Variants in MEF2A observed in about 807,000 individuals in gnomAD.
The protein encoded by MEF2A is myocyte-specific enhancer factor 2A.
Under a neutral mutation model 55.8 loss-of-function variants are expected in MEF2A, and 28 were observed. The observed-to-expected ratio is 0.50, with a 90% CI of 0.37 to 0.69. MEF2A has a LOEUF of 0.69. MEF2A is among the 30% of genes least tolerant of loss of function. The pLI, the probability that MEF2A is intolerant of heterozygous loss-of-function variation, is 0.00. For synonymous variants in MEF2A, 239 were observed against 227.1 expected, an observed-to-expected ratio of 1.05 and a Z score of -0.47; for missense variants, 528 against 626.2, an observed-to-expected ratio of 0.84 and a Z score of 1.67.
chr15:99,631,543 A>G (rs576166299), intron 2 of MEF2A, among the ~76,000 whole-genome samples: 4 of 152,324 alleles, frequency 2.6e-5, no homozygotes, highest in East Asian at 1.9e-4. Flanking sequence ...ATTCAGATAA[A>G]TGAACTTTCT....
intron 1 of MEF2A, among the ~76,000 whole-genome samples, chr15:99,571,753 C>G (rs1962403753): frequency 6.6e-6 from 1 of 152,076 alleles, no homozygotes; most frequent in African/African-American, 2.4e-5. Context: ...CCCCTAAACC[C>G]TGGTGTCTCT....
intron 4 of MEF2A, among the ~76,000 whole-genome samples, chr15:99,665,258 G>A (rs1433844363): frequency 2.6e-5 from 4 of 152,140 alleles, no homozygotes; most frequent in Non-Finnish European, 5.9e-5. Flanking sequence ...AATTGGTATG[G>A]AAATTTTAAA....
intron 2 of MEF2A, among the ~76,000 whole-genome samples, chr15:99,609,817 A>T (rs1466314639): frequency 6.6e-6 from 1 of 152,158 alleles, no homozygotes; most frequent in African/African-American, 2.4e-5. Context: ...TGACAAAGAG[A>T]GTATACAGTA....
chr15:99,608,717 T>C (rs948208335), intron 2 of MEF2A, among the ~76,000 whole-genome samples: 2 of 152,098 alleles, frequency 1.3e-5, no homozygotes, highest in African/African-American at 4.8e-5. Context: ...CTGGCCAACA[T>C]GGTGAAACCC....
intron 1 of MEF2A, among the ~76,000 whole-genome samples, chr15:99,596,467 T>G (rs903818363): frequency 6.6e-6 from 1 of 152,158 alleles, no homozygotes; most frequent in African/African-American, 2.4e-5. Flanking sequence ...AATTTGTTAG[T>G]ATAAAAAGAA....
rs200299422 is a variant in MEF2A, at chr15:99,635,093, CTG to C, written c.54+1924_54+1925del. Among the ~76,000 whole-genome samples, 1,159 of 152,246 alleles carry C rather than the reference CTG, an allele frequency of 7.6e-3. 21 individuals are homozygous for C. The highest frequency in any genetic ancestry group is 0.026 in the African/African-American group (1,084 of 41,532). ...CAGATATATACTATATCCCAAGAGA[CTG>C]TGTTAGGTCCTGGAAACTCACTAAA... On this transcript the variant is annotated intron_variant, in intron 3 of 11. Transcript: ENST00000557942.
Position 99,710,734 on chromosome 15 carries a change from A to G in MEF2A, c.1110A>G (p.Leu370=), listed in dbSNP as rs553301761. ...GQVSAWQQHH[L]GQAALSSLVA... ...TGTCGGCCTGGCAGCAGCACCACCT[A>G]GGACAAGCAGCCCTCAGCTCTCTTG... Residue 370 remains leucine (L), a synonymous_variant, in exon 11 of 12, where the codon CTA becomes CTG. Coordinates refer to ENST00000557942, the MANE Select transcript of MEF2A (RefSeq NM_001319206.4). The G allele has an allele frequency of 3.1e-6, 5 of 1,611,190 alleles. No homozygotes were observed. The East Asian group carries it at 8.9e-5, about 29-fold the overall frequency.
chr15:99,683,335 C>T (rs1009277864), intron 7 of MEF2A, among the ~76,000 whole-genome samples: 6 of 152,224 alleles, frequency 3.9e-5, no homozygotes, highest in Non-Finnish European at 7.4e-5. Flanking sequence ...ACTTGGTAAA[C>T]GTTTTGGAGG....
intron 2 of MEF2A, among the ~76,000 whole-genome samples, chr15:99,623,900 C>A (rs138206909): frequency 6.6e-6 from 1 of 151,762 alleles, no homozygotes; most frequent in East Asian, 1.9e-4. Context: ...CTCCGCTTCC[C>A]GGGTTCAAGT....
chr15:99,621,184 A>G (rs1247494945), intron 2 of MEF2A: 2 of 152,134 alleles, frequency 1.3e-5, no homozygotes, highest in Admixed American at 6.5e-5. Context: ...TTAATAACAA[A>G]ACTAGAACTA....
At chr15:99,594,905 T>C (rs1243894237) in intron 1 of MEF2A, among the ~76,000 whole-genome samples, 1 of 152,226 alleles carries the variant, frequency 6.6e-6, no homozygotes. Context: ...CTCTATCATA[T>C]ATAGGTATTG....
At chr15:99,671,116 C>T (rs544610068) in intron 4 of MEF2A, among the ~76,000 whole-genome samples, 2 of 152,210 alleles carry the variant, frequency 1.3e-5, no homozygotes, top group Non-Finnish European at 2.9e-5. Context: ...TTCCTTTTCT[C>T]TTAACATACA....
At chr15:99,579,275 A>G (rs1965234477) in intron 1 of MEF2A, among the ~76,000 whole-genome samples, 1 of 147,210 alleles carries the variant, frequency 6.8e-6, no homozygotes, top group East Asian at 2.0e-4. Flanking sequence ...TGTTTAGAGT[A>G]TTGGCTTATA....
At chr15:99,661,896 G>C (rs1347784540) in intron 4 of MEF2A, among the ~76,000 whole-genome samples, 1 of 151,832 alleles carries the variant, frequency 6.6e-6, no homozygotes, top group African/African-American at 2.4e-5. Context: ...TCTGTCTGTT[G>C]TAGAATGGAT....
At position 99,678,569 on chromosome 15, in the gene MEF2A, C is replaced by T. The variant is rs10048028; in HGVS notation, c.670+3111C>T. 9.8e-5 allele frequency: 69 copies of T among 701,200 alleles called. No homozygotes were observed. In the African/African-American group the frequency reaches 1.2e-3, roughly 12 times the overall value. 43.4% of individuals were successfully genotyped at this position (701,200 alleles called of 1,614,324 possible). On this transcript the variant is annotated intron_variant, in intron 7 of 11. Coordinates refer to ENST00000557942, the MANE Select transcript of MEF2A (RefSeq NM_001319206.4). ...TTCAAATACGTAATTTGTTTATAGG[C>T]GAGTCTTCCATTTGCCTTGTTCGTA...
chr15:99,706,964 G>A, intron 10 of MEF2A, 109 bp downstream of exon 10: 2 of 1,297,678 alleles, frequency 1.5e-6, no homozygotes, highest in Non-Finnish European at 2.1e-6. Context: ...ACTATTTCCA[G>A]TTTTTTAGAT....
intron 2 of MEF2A, among the ~76,000 whole-genome samples, chr15:99,613,442 T>TACAATACA (rs1450886742): frequency 4.6e-5 from 7 of 152,204 alleles, no homozygotes; most frequent in Non-Finnish European, 1.0e-4. Context: ...ATACACACTT[T>TACAATACA]AACAGTCCCC....
chr15:99,694,868 A>G, intron 8 of MEF2A, among the ~76,000 whole-genome samples: 1 of 152,238 alleles, frequency 6.6e-6, no homozygotes, highest in Non-Finnish European at 1.5e-5. Flanking sequence ...ATTTATTTTA[A>G]TACTTTGGTT....
chr15:99,688,748 C>G (rs569916787), intron 7 of MEF2A, among the ~76,000 whole-genome samples: 1 of 152,226 alleles, frequency 6.6e-6, no homozygotes, highest in South Asian at 2.1e-4. Context: ...CAGGGCAAGT[C>G]TCCGTCTGAA....
Sources: gnomAD v4.1 joint callset for allele counts (sites outside exome capture counted in the v4.1 genomes callset) on GRCh38, gnomAD v4.1.1 for gene constraint, MANE v1.5 for transcripts, NCBI Gene and HGNC (gene_info 2026-07-23, HGNC 2026-07-21) for gene names.